The following GUF1 variants were observed in gnomAD, a reference collection of about 807,000 sequenced individuals.
GUF1 encodes GTP binding elongation factor GUF1, also known as translation factor GUF1, mitochondrial.
GUF1 carries 78 observed loss-of-function variants against 82.4 expected under a neutral mutation model. The ratio of observed to expected loss-of-function variants is 0.95; its 90% CI spans 0.79 to 1.14. The LOEUF is 1.14. GUF1 is among the 50% of genes most tolerant of loss of function. The pLI is 0.00. For synonymous variants in GUF1, 279 were observed against 282.3 expected, an observed-to-expected ratio of 0.99 and a Z score of 0.12; for missense variants, 814 against 798.2, an observed-to-expected ratio of 1.02 and a Z score of -0.24.
chr4:44,691,896 C>A, intron 13 of GUF1, 97 bp downstream of exon 13: 1 of 900,024 alleles, frequency 1.1e-6, no homozygotes, highest in Non-Finnish European at 1.6e-6. Context: ...GTAATTTCAG[C>A]TTTCTTGAAG....
chr4:44,687,821 T>G (rs977073237), intron 8 of GUF1, among the ~76,000 whole-genome samples, 186 bp from the exon 9 acceptor site: 5 of 151,956 alleles, frequency 3.3e-5, no homozygotes, highest in Middle Eastern at 3.2e-3. Context: ...TAATGGATTG[T>G]AAGACCTGGT....
intron 13 of GUF1, among the ~76,000 whole-genome samples, chr4:44,692,407 T>TTTGTTG (rs375180952): frequency 1.3e-5 from 2 of 151,606 alleles, no homozygotes; most frequent in South Asian, 2.1e-4. Flanking sequence ...GAGGCTGTTT[T>TTTGTTG]TTGTTGTTGT....
chr4:44,678,498 C>A lies in GUF1; in HGVS notation c.-125C>A. On this transcript the variant is annotated 5_prime_UTR_variant, in exon 1 of 17. Transcript: ENST00000281543. Reference sequence around the variant, plus strand: ...GGCAGAGCTCCCCGGGGTTCATTGTCTTCGCTTCACAGGATCTGTTTGAGT... The same window carrying A: ...GGCAGAGCTCCCCGGGGTTCATTGTATTCGCTTCACAGGATCTGTTTGAGT... 3.8e-6 allele frequency: 3 copies of A among 780,582 alleles called. No individual in the cohort carries two copies. The highest frequency in any genetic ancestry group is 5.5e-6 in the Non-Finnish European group (3 of 549,712). 48.4% of individuals were successfully genotyped at this position (780,582 alleles called of 1,614,324 possible).
intron 9 of GUF1, among the ~76,000 whole-genome samples, chr4:44,688,748 T>G (rs559976688): frequency 1.3e-5 from 2 of 152,030 alleles, no homozygotes; most frequent in South Asian, 4.1e-4. Flanking sequence ...AAGTCAGTCA[T>G]GTGGATTTTA....
At position 44,697,461 on chromosome 4, in the gene GUF1, A is replaced by G. The variant is rs1715903515; in HGVS notation, c.1872+17A>G. The G allele has an allele frequency of 2.9e-6, 4 of 1,376,058 alleles. No homozygotes were observed. Among genetic ancestry groups the G allele is most frequent in the South Asian group, 2.5e-5 (2 of 80,754 alleles). The allele number at this position is 1,376,058 out of a possible 1,614,324, so 85.2% of individuals were successfully genotyped here. A position where few individuals can be genotyped will look rare whatever the true frequency, so the allele number is the denominator to read the frequency against. On this transcript the variant is annotated intron_variant, in intron 16 of 16. Transcript: ENST00000281543. ...GCAAAATGTGTATGTATCTAGTTGTATTTATTCTACTTTATAACTTTTATG... is the reference window on the plus strand; with the variant it reads ...GCAAAATGTGTATGTATCTAGTTGTGTTTATTCTACTTTATAACTTTTATG...
rs1228108811 is a variant in GUF1 at position 44,700,392 on chromosome 4, T to A, written c.*1711T>A. On this transcript the variant is annotated 3_prime_UTR_variant, in exon 17 of 17. Coordinates refer to ENST00000281543, the MANE Select transcript of GUF1 (RefSeq NM_021927.3). ...AAGGTATAACTGACTATTCCTCTAC[T>A]CTCCTCTCACATGTAAATTGTATAT... The A allele has an allele frequency of 6.6e-6, 1 of 152,156 alleles. No homozygotes were observed. Among genetic ancestry groups the A allele is most frequent in the Non-Finnish European group, 1.5e-5 (1 of 68,028 alleles). 9.4% of individuals were successfully genotyped at this position (152,156 alleles called of 1,614,324 possible). A position where few individuals can be genotyped will look rare whatever the true frequency, so the allele number is the denominator to read the frequency against.
Position 44,680,089 on chromosome 4 carries a change from C to T in GUF1, c.166-352C>T, listed in dbSNP as rs560793333. On this transcript the variant is annotated intron_variant, in intron 1 of 16. Coordinates refer to ENST00000281543, the MANE Select transcript of GUF1 (RefSeq NM_021927.3). ...TTATCTTCTTTCAGCTTTTCTGTAG[C>T]TCCATTGCCTCAAAAGTTTTACTAG... Among the ~76,000 whole-genome samples, 6 of 152,186 alleles carry T rather than the reference C, an allele frequency of 3.9e-5. No homozygotes were observed. In the South Asian group the frequency reaches 1.2e-3, roughly 32 times the overall value.
In GUF1 at chr4:44,697,435, G is replaced by T. The variant is rs147897156; in HGVS notation, c.1863G>T (p.Leu621Phe). Residue 621 changes from leucine to phenylalanine, a missense_variant, in exon 16 of 17, where the codon TTG (leucine) becomes TTT (phenylalanine). Coordinates refer to ENST00000281543, the MANE Select transcript of GUF1 (RefSeq NM_021927.3). Reference protein sequence around the residue: ...ETVKAYRKNVLAKCYGGDITR... With the variant: ...ETVKAYRKNVFAKCYGGDITR... ...TGAAAGCCTATAGGAAAAACGTTTT[G>T]GCAAAATGTGTATGTATCTAGTTGT... is the stretch of plus-strand genomic sequence containing the variant. 1 of 1,555,294 alleles carries T rather than the reference G, an allele frequency of 6.4e-7. No individual in the cohort carries two copies.
chr4:44,694,160 G>A, intron 13 of GUF1: 1 of 378,410 alleles, frequency 2.6e-6, no homozygotes, highest in African/African-American at 2.2e-5. Context: ...CATTTTCTTT[G>A]TCAGGTTCAC....
At position 44,700,255 on chromosome 4, in the gene GUF1, G is replaced by A. The variant is rs192367936; in HGVS notation, c.*1574G>A. 2.0e-5 allele frequency: 3 copies of A among 152,142 alleles called. No individual in the cohort carries two copies. The highest frequency in any genetic ancestry group is 7.2e-5 in the African/African-American group (3 of 41,426). 9.4% of individuals were successfully genotyped at this position (152,142 alleles called of 1,614,324 possible). On this transcript the variant is annotated 3_prime_UTR_variant, in exon 17 of 17. Coordinates refer to ENST00000281543, the MANE Select transcript of GUF1 (RefSeq NM_021927.3). ...TATTCCTAAATAAGACAGCCACAAA[G>A]ATAAAATTTGCTCACAAGGGAATTC... is the stretch of plus-strand genomic sequence containing the variant.
Position 44,678,586 on chromosome 4 carries a change from G to A in GUF1, c.-37G>A. 1.4e-6 allele frequency: 2 copies of A among 1,432,376 alleles called. No individual in the cohort carries two copies. The highest frequency in any genetic ancestry group is 1.8e-6 in the Non-Finnish European group (2 of 1,099,986). The allele number at this position is 1,432,376 out of a possible 1,614,324, so 88.7% of individuals were successfully genotyped here. A position where few individuals can be genotyped will look rare whatever the true frequency, so the allele number is the denominator to read the frequency against. On this transcript the variant is annotated 5_prime_UTR_variant, in exon 1 of 17. In the 5' UTR this introduces an upstream ATG that the reference lacks. Transcript: ENST00000281543. ...AAAACGGGCTATGCTGCTGTTGCGT[G>A]TGGGTACCCTCTCCTGACGCCTCCG...
At chr4:44,683,023 T>C (rs1430865930) in intron 5 of GUF1, among the ~76,000 whole-genome samples, 1 of 152,056 alleles carries the variant, frequency 6.6e-6, no homozygotes, top group African/African-American at 2.4e-5. Flanking sequence ...CTTAAGTTTT[T>C]TTTGCAAGCT....
rs1716124519 is a variant in GUF1 at position 44,700,048 on chromosome 4, T to A, written c.*1367T>A. 6.6e-6 allele frequency: 1 copy of A among 152,170 alleles called. No homozygotes were observed. The highest frequency in any genetic ancestry group is 2.1e-4 in the South Asian group (1 of 4,828). 9.4% of individuals were successfully genotyped at this position (152,170 alleles called of 1,614,324 possible). ...CAGACTGTATTAGAGCAAGACAACA[T>A]CATTTAGCCATTGATTTTTATCTTC... On this transcript the variant is annotated 3_prime_UTR_variant, in exon 17 of 17. Coordinates refer to ENST00000281543, the MANE Select transcript of GUF1 (RefSeq NM_021927.3).
At chr4:44,697,515 A>T (rs1178988045) in intron 16 of GUF1, 71 bp downstream of exon 16, 3 of 718,568 alleles carry the variant, frequency 4.2e-6, no homozygotes, top group Non-Finnish European at 6.7e-6. Context: ...GCATAAACTT[A>T]TTGATTTCCA....
chr4:44,681,182 A>C lies in GUF1; in HGVS notation c.486A>C (p.Leu162Phe), dbSNP rs750551702. 1.2e-5 allele frequency: 19 copies of C among 1,612,372 alleles called. No individual in the cohort carries two copies. The highest frequency in any genetic ancestry group is 3.3e-5 in the South Asian group (3 of 91,034). The change falls in exon 4 of 17, where the codon TTA becomes TTC. Residue 162 changes from leucine (L) to phenylalanine (F), a missense_variant. By Grantham distance (22) the Leu-to-Phe change is conservative. Coordinates refer to ENST00000281543, the MANE Select transcript of GUF1 (RefSeq NM_021927.3). ...SRSLSACQGV[L>F]LVVDANEGIQ... ...CACTTTCTGCTTGCCAGGGTGTTTT[A>C]CTTGTGGTTGATGCAAATGAGGTAG...
chr4:44,681,744 A>G (rs1714784017), intron 4 of GUF1, among the ~76,000 whole-genome samples: 1 of 151,562 alleles, frequency 6.6e-6, no homozygotes, highest in African/African-American at 2.4e-5. Flanking sequence ...TCAAAACCCA[A>G]CTTTTTTTTA....
chr4:44,689,098 T>G (rs1294395972), intron 9 of GUF1, among the ~76,000 whole-genome samples, 188 bp from the exon 10 acceptor site: 1 of 151,858 alleles, frequency 6.6e-6, no homozygotes, highest in African/African-American at 2.4e-5. Flanking sequence ...TTCAGACTAA[T>G]GACTTGTAAG....
intron 6 of GUF1, 82 bp downstream of exon 6, chr4:44,683,400 A>G: frequency 2.7e-6 from 2 of 729,740 alleles, no homozygotes; most frequent in Non-Finnish European, 2.3e-6. Context: ...GTATTTGATA[A>G]CCTGGCATTA....
chr4:44,697,418 T>C lies in GUF1; in HGVS notation c.1846T>C (p.Tyr616His). The C allele has an allele frequency of 6.4e-7, 1 of 1,563,750 alleles. No individual in the cohort carries two copies. Among genetic ancestry groups the C allele is most frequent in the African/African-American group, 1.4e-5 (1 of 73,326 alleles). ...TTTTCTCTTTTACAGTGTGAAAGCCTATAGGAAAAACGTTTTGGCAAAATG... is the reference window on the plus strand; with the variant it reads ...TTTTCTCTTTTACAGTGTGAAAGCCCATAGGAAAAACGTTTTGGCAAAATG... ...KIIARETVKAYRKNVLAKCYG... is the reference protein window; with the variant it reads ...KIIARETVKAHRKNVLAKCYG... The change falls in exon 16 of 17, where the codon TAT becomes CAT. Residue 616 changes from tyrosine (Y) to histidine (H), a missense_variant. Physicochemically the swap from Tyr to His is moderately conservative, Grantham distance 83. Coordinates refer to ENST00000281543, the MANE Select transcript of GUF1 (RefSeq NM_021927.3).
Sources: allele counts gnomAD v4.1 joint callset (sites outside exome capture counted in the v4.1 genomes callset), GRCh38; gene constraint gnomAD v4.1.1; transcripts MANE v1.5; gene names NCBI Gene and HGNC (gene_info 2026-07-23, HGNC 2026-07-21).